Variants in CADM2 observed in about 807,000 individuals in gnomAD.
CADM2 encodes the protein cell adhesion molecule 2, also known as immunoglobulin superfamily member 4D.
Under a neutral mutation model 49.8 loss-of-function variants are expected in CADM2, and 12 were observed. That is an observed-to-expected ratio of 0.24 (90% CI 0.15 to 0.39). The LOEUF (loss-of-function observed/expected upper bound fraction) is 0.39. Ranked by LOEUF, CADM2 falls within the 10% of genes least tolerant of loss-of-function variation. The probability of loss-of-function intolerance (pLI) is 1.00; values close to 1 mark genes in which losing one functional copy is unlikely to be tolerated. For synonymous variants in CADM2, 214 were observed against 175.4 expected, an observed-to-expected ratio of 1.22 and a Z score of -1.74; for missense variants, 378 against 492.3, an observed-to-expected ratio of 0.77 and a Z score of 2.20.
intron 1 of CADM2, among the ~76,000 whole-genome samples, chr3:85,451,348 C>A (rs899554249): frequency 6.6e-6 from 1 of 152,026 alleles, no homozygotes; most frequent in South Asian, 2.1e-4. Flanking sequence ...TTACTTATCA[C>A]ATTAATAATA....
At position 86,054,359 on chromosome 3, in the gene CADM2, A is replaced by G. The variant is rs569637023; in HGVS notation, c.971-11246A>G. Among the ~76,000 whole-genome samples, 6 of 152,242 alleles carry G rather than the reference A, an allele frequency of 3.9e-5. No individual in the cohort carries two copies. The South Asian group carries it at 6.2e-4, about 16-fold the overall frequency. ...AATATATAACAGAATTGATTTGACT[A>G]TAGTGACTAGTGTTGTTATATACAT... On this transcript the variant is annotated intron_variant, in intron 8 of 9. Coordinates refer to ENST00000383699, the MANE Select transcript of CADM2 (RefSeq NM_001167675.2).
chr3:85,539,738 A>C (rs2061500516), intron 1 of CADM2, among the ~76,000 whole-genome samples: 1 of 152,150 alleles, frequency 6.6e-6, no homozygotes, highest in Admixed American at 6.6e-5. Context: ...AATTAAAGAT[A>C]AACCATGTTT....
At chr3:85,786,984 G>T (rs914952842) in intron 2 of CADM2, among the ~76,000 whole-genome samples, 1 of 151,862 alleles carries the variant, frequency 6.6e-6, no homozygotes, top group Middle Eastern at 3.2e-3. Context: ...GCATAGTATT[G>T]TTATTCACTC....
chr3:85,180,637 C>T (rs554256071), intron 1 of CADM2, among the ~76,000 whole-genome samples: 1 of 150,994 alleles, frequency 6.6e-6, no homozygotes, highest in African/African-American at 2.4e-5. Flanking sequence ...TTTGCTATTA[C>T]TATCTATAAT....
chr3:85,898,445 C>T (rs1353942425), intron 5 of CADM2, among the ~76,000 whole-genome samples: 2 of 152,022 alleles, frequency 1.3e-5, no homozygotes, highest in African/African-American at 4.8e-5. Flanking sequence ...AACACCTTCC[C>T]TTTGCCTTCT....
intron 6 of CADM2, among the ~76,000 whole-genome samples, chr3:85,933,284 A>T (rs1188911306): frequency 2.6e-5 from 4 of 152,052 alleles, no homozygotes; most frequent in Non-Finnish European, 5.9e-5. Flanking sequence ...TTCCATCAAT[A>T]GTCCTGTGTC....
At chr3:86,018,553 T>G (rs901802298) in intron 8 of CADM2, among the ~76,000 whole-genome samples, 7 of 152,206 alleles carry the variant, frequency 4.6e-5, no homozygotes, top group African/African-American at 7.2e-5. Flanking sequence ...TTTCCTGACT[T>G]TTTAATGATT....
At chr3:85,706,279 A>G (rs1350080622) in intron 1 of CADM2, among the ~76,000 whole-genome samples, 1 of 152,228 alleles carries the variant, frequency 6.6e-6, no homozygotes, top group Non-Finnish European at 1.5e-5. Context: ...ACTTTTAGAT[A>G]ATTAAAGCCT....
intron 1 of CADM2, among the ~76,000 whole-genome samples, chr3:85,504,903 G>A (rs2040264190): frequency 6.6e-6 from 1 of 152,262 alleles, no homozygotes; most frequent in Admixed American, 6.5e-5. Flanking sequence ...TACACCCTCC[G>A]CAGCCGCTGG....
At chr3:85,458,499 G>T (rs1256262747) in intron 1 of CADM2, among the ~76,000 whole-genome samples, 1 of 152,138 alleles carries the variant, frequency 6.6e-6, no homozygotes, top group Non-Finnish European at 1.5e-5. Context: ...TACCTGAGTT[G>T]AAAAGTAGAG....
intron 2 of CADM2, among the ~76,000 whole-genome samples, chr3:85,770,256 C>A (rs909918712): frequency 3.3e-5 from 5 of 152,076 alleles, no homozygotes; most frequent in Admixed American, 1.3e-4. Context: ...TTTCAAGAAT[C>A]CTCACATGGC....
At chr3:85,449,405 C>T (rs1395237538) in intron 1 of CADM2, among the ~76,000 whole-genome samples, 3 of 151,922 alleles carry the variant, frequency 2.0e-5, no homozygotes, top group African/African-American at 4.8e-5. Flanking sequence ...TGTATAAAGA[C>T]GCTTTGCTCC....
chr3:85,877,784 T>C (rs1396259771), intron 3 of CADM2, among the ~76,000 whole-genome samples: 1 of 148,502 alleles, frequency 6.7e-6, no homozygotes, highest in Non-Finnish European at 1.5e-5. Flanking sequence ...TCTTTTTCAC[T>C]CTGTTCTTAT....
intron 1 of CADM2, among the ~76,000 whole-genome samples, chr3:85,664,403 G>T (rs569572587): frequency 3.3e-5 from 5 of 152,076 alleles, no homozygotes; most frequent in Admixed American, 2.0e-4. Flanking sequence ...CGCATTTCAA[G>T]TGTAGCAATT....
At chr3:85,519,759 G>A (rs944469876) in intron 1 of CADM2, among the ~76,000 whole-genome samples, 3 of 152,140 alleles carry the variant, frequency 2.0e-5, no homozygotes, top group East Asian at 1.9e-4. Context: ...AAGTAAACCC[G>A]CAGCTACATT....
chr3:85,361,175 C>T (rs1334936098), intron 1 of CADM2, among the ~76,000 whole-genome samples: 3 of 152,020 alleles, frequency 2.0e-5, no homozygotes, highest in Non-Finnish European at 4.4e-5. Flanking sequence ...GAGCATTGAA[C>T]GATTCATGAA....
At chr3:85,970,178 AAAT>A (rs1725947890) in intron 8 of CADM2, among the ~76,000 whole-genome samples, 1 of 151,360 alleles carries the variant, frequency 6.6e-6, no homozygotes, top group Non-Finnish European at 1.5e-5. Context: ...TTCAAAACAT[AAAT>A]AACTGTGCAT....
intron 1 of CADM2, among the ~76,000 whole-genome samples, chr3:85,403,839 A>T (rs2107447672): frequency 1.3e-5 from 2 of 152,254 alleles, no homozygotes; most frequent in Middle Eastern, 6.8e-3. Flanking sequence ...GCTGAGGACA[A>T]TGGCTATGTT....
intron 8 of CADM2, among the ~76,000 whole-genome samples, chr3:86,047,646 A>C (rs958537208): frequency 6.6e-6 from 1 of 152,116 alleles, no homozygotes; most frequent in Admixed American, 6.6e-5. Flanking sequence ...CTCTGTCCAA[A>C]ATATTGTTTG....
Sources: gnomAD v4.1 joint callset for allele counts (sites outside exome capture counted in the v4.1 genomes callset) on GRCh38, gnomAD v4.1.1 for gene constraint, MANE v1.5 for transcripts, NCBI Gene and HGNC (gene_info 2026-07-23, HGNC 2026-07-21) for gene names.